Variants in PRKD1 observed in about 807,000 individuals in gnomAD.
The protein encoded by PRKD1 is serine/threonine-protein kinase D1.
PRKD1 carries 63 observed loss-of-function variants against 95.9 expected under a neutral mutation model. The ratio of observed to expected loss-of-function variants is 0.66; its 90% CI spans 0.54 to 0.81. PRKD1 has a LOEUF of 0.81. Ranked by LOEUF, PRKD1 falls within the 30% of genes least tolerant of loss-of-function variation. The pLI is 0.00. For missense variants in PRKD1, 1,048 were observed against 1,165.3 expected, an observed-to-expected ratio of 0.90 and a Z score of 1.47; for synonymous variants, 425 against 423.1, an observed-to-expected ratio of 1.00 and a Z score of -0.05.
intron 1 of PRKD1, among the ~76,000 whole-genome samples, chr14:29,874,540 G>C (rs1368425444): frequency 6.6e-6 from 1 of 152,172 alleles, no homozygotes; most frequent in Non-Finnish European, 1.5e-5. Flanking sequence ...GCACTTGCAA[G>C]TTTATTGCAG....
intron 1 of PRKD1, among the ~76,000 whole-genome samples, chr14:29,840,743 C>T (rs994097393): frequency 6.6e-6 from 1 of 152,136 alleles, no homozygotes; most frequent in African/African-American, 2.4e-5. Flanking sequence ...AGAAAGAGAG[C>T]TTGTGCAGAG....
At chr14:29,623,046 A>T (rs779078632) in intron 13 of PRKD1, among the ~76,000 whole-genome samples, 5 of 152,200 alleles carry the variant, frequency 3.3e-5, no homozygotes, top group African/African-American at 1.2e-4. Flanking sequence ...CTGCACCTCA[A>T]TGTTGCCAGT....
chr14:29,727,486 T>A (rs1461695365), intron 1 of PRKD1, among the ~76,000 whole-genome samples: 1 of 151,648 alleles, frequency 6.6e-6, no homozygotes, highest in Non-Finnish European at 1.5e-5. Context: ...ATGTCCTGAA[T>A]GGTAATGCCT....
intron 13 of PRKD1, among the ~76,000 whole-genome samples, chr14:29,611,082 C>T (rs1878425659): frequency 6.6e-6 from 1 of 152,186 alleles, no homozygotes; most frequent in Admixed American, 6.5e-5. Flanking sequence ...CATGTAATTA[C>T]ACATTTGTCC....
At chr14:29,804,411 C>G (rs771309063) in intron 1 of PRKD1, among the ~76,000 whole-genome samples, 4 of 152,078 alleles carry the variant, frequency 2.6e-5, no homozygotes, top group Non-Finnish European at 1.5e-5. Flanking sequence ...AGTTGCCTGA[C>G]TTTTCTTAAT....
intron 1 of PRKD1, among the ~76,000 whole-genome samples, chr14:29,747,791 T>C (rs964479654): frequency 1.3e-5 from 2 of 152,186 alleles, no homozygotes; most frequent in African/African-American, 4.8e-5. Context: ...TTGTCCAGGC[T>C]GGAGTGCAGT....
At chr14:29,720,163 G>A (rs537655651) in intron 2 of PRKD1, among the ~76,000 whole-genome samples, 84 of 152,276 alleles carry the variant, frequency 5.5e-4, no homozygotes, top group Non-Finnish European at 1.0e-3. Context: ...GAGTTGCTAT[G>A]TATAGAAACT....
intron 4 of PRKD1, chr14:29,656,482 G>A: frequency 1.3e-6 from 2 of 1,535,466 alleles, no homozygotes; most frequent in South Asian, 1.2e-5. Context: ...CTACCTCAAA[G>A]CCAGGACTCA....
intron 1 of PRKD1, among the ~76,000 whole-genome samples, chr14:29,764,997 T>C (rs577697417): frequency 6.6e-6 from 1 of 152,220 alleles, no homozygotes; most frequent in South Asian, 2.1e-4. Context: ...ACAAGTGAAA[T>C]AGAATGAATT....
intron 1 of PRKD1, among the ~76,000 whole-genome samples, chr14:29,732,833 GT>G (rs67848395): frequency 0.15 from 22,168 of 148,890 alleles, 1,959 homozygotes; most frequent in South Asian, 0.23. Context: ...TGTATGCAAT[GT>G]TTTTTCTTCC....
chr14:29,872,220 T>C (rs147592017), intron 1 of PRKD1, among the ~76,000 whole-genome samples: 77 of 152,346 alleles, frequency 5.1e-4, no homozygotes, highest in Non-Finnish European at 8.4e-4. Flanking sequence ...AAATTCAAGC[T>C]ATTCACGCAA....
chr14:29,712,894 A>G (rs1158293698), intron 2 of PRKD1, among the ~76,000 whole-genome samples: 1 of 152,150 alleles, frequency 6.6e-6, no homozygotes, highest in East Asian at 1.9e-4. Context: ...TCATGGAACA[A>G]AAGGAATATC....
At chr14:29,860,035 A>T (rs898554807) in intron 1 of PRKD1, among the ~76,000 whole-genome samples, 3 of 152,238 alleles carry the variant, frequency 2.0e-5, no homozygotes, top group African/African-American at 7.2e-5. Flanking sequence ...TACTAGTCAA[A>T]TTAACTCTTC....
At chr14:29,607,629 C>T (rs1173195952) in intron 13 of PRKD1, among the ~76,000 whole-genome samples, 8 of 152,062 alleles carry the variant, frequency 5.3e-5, no homozygotes, top group African/African-American at 1.4e-4. Context: ...CCAGCTACTG[C>T]GTGTGGAGTC....
intron 2 of PRKD1, among the ~76,000 whole-genome samples, chr14:29,696,995 G>A (rs1409870286): frequency 6.6e-6 from 1 of 151,744 alleles, no homozygotes. Flanking sequence ...TTTTCCTTTG[G>A]ATTTTCAAGA....
intron 2 of PRKD1, among the ~76,000 whole-genome samples, chr14:29,725,043 C>A (rs1886072824): frequency 6.6e-6 from 1 of 152,210 alleles, no homozygotes; most frequent in African/African-American, 2.4e-5. Flanking sequence ...CATGGCATGA[C>A]CTGACCTTCT....
chr14:29,658,818 G>T (rs181933831), intron 4 of PRKD1, among the ~76,000 whole-genome samples: 7 of 152,254 alleles, frequency 4.6e-5, no homozygotes, highest in Admixed American at 4.6e-4. Context: ...AGCACCCAAA[G>T]AATTTATTTC....
intron 1 of PRKD1, among the ~76,000 whole-genome samples, chr14:29,908,332 T>G (rs1456504049): frequency 6.6e-6 from 1 of 152,182 alleles, no homozygotes; most frequent in Non-Finnish European, 1.5e-5. Context: ...AGACTCACAC[T>G]GTCGCCAGGG....
chr14:29,912,909 G>C (rs879454167), intron 1 of PRKD1, among the ~76,000 whole-genome samples: 4 of 152,060 alleles, frequency 2.6e-5, no homozygotes, highest in Non-Finnish European at 1.5e-5. Flanking sequence ...AATTAATAAA[G>C]GTATTATGTA....
Sources: gnomAD v4.1 joint callset for allele counts (sites outside exome capture counted in the v4.1 genomes callset) on GRCh38, gnomAD v4.1.1 for gene constraint, MANE v1.5 for transcripts, NCBI Gene and HGNC (gene_info 2026-07-23, HGNC 2026-07-21) for gene names.